Variants in SAMD11 observed in about 807,000 individuals in gnomAD.
The protein encoded by SAMD11 is sterile alpha motif domain containing 11, also known as sterile alpha motif domain-containing protein 11.
In SAMD11, 77 loss-of-function variants were observed where a neutral mutation model predicts 64.4. The observed-to-expected ratio is 1.20, with a 90% confidence interval of 0.99 to 1.44. The LOEUF is 1.44. SAMD11 is among the 40% of genes most tolerant of loss of function. The pLI is 0.00. For synonymous variants in SAMD11, 658 were observed against 421.9 expected (o/e 1.56, Z -6.86); for missense variants, 1,402 against 943.3 (o/e 1.49, Z -6.37).
chr1:940,988 G>T, intron 7 of SAMD11, 156 bp from the exon 8 acceptor site: 1 of 568,824 alleles, frequency 1.8e-6, no homozygotes, highest in South Asian at 2.5e-5. Context: ...CCCTGTGGCC[G>T]CCCATCCTCC....
chr1:943,035 C>G lies in SAMD11; in HGVS notation c.2030C>G (p.Ala677Gly), dbSNP rs748435147. 7.8e-6 allele frequency: 12 copies of G among 1,530,582 alleles called. No individual in the cohort carries two copies. Among genetic ancestry groups the G allele is most frequent in the Non-Finnish European group, 8.8e-6 (10 of 1,140,836 alleles). 94.8% of individuals were successfully genotyped at this position (1,530,582 alleles called of 1,614,324 possible). ...ACACTGCCCCTGGGCTTCCCTTATG[C>G]CGTCAGCCCCTACTTCCACACAGGT... ...GSTLPLGFPY[A>G]VSPYFHTGAV... Residue 677 changes from alanine to glycine, a missense_variant, in exon 11 of 14, where the codon GCC becomes GGC. Coordinates refer to ENST00000616016, the MANE Select transcript of SAMD11 (RefSeq NM_001385641.1).
rs1641109732 is a variant in SAMD11, at chr1:930,300, A to G, written c.755A>G (p.Gln252Arg). Residue 252 changes from glutamine (Q) to arginine (R), a missense_variant, in exon 3 of 14, where the codon CAG (glutamine) becomes CGG (arginine). Gln to Arg is a conservative substitution (Grantham distance 43). Coordinates refer to ENST00000616016, the MANE Select transcript of SAMD11 (RefSeq NM_001385641.1). ...PTCGRRPGLK[Q>R]EDGPHIRIMK... is the part of the protein sequence containing the mutation. The stretch of plus-strand genomic sequence containing the variant: ...TGTGGGCGGCGGCCAGGCTTGAAGC[A>G]GGAGGATGGTCCGCACATCCGTATC... 1 of 1,608,680 alleles carries G rather than the reference A, an allele frequency of 6.2e-7. No individual in the cohort carries two copies. The highest frequency in any genetic ancestry group is 8.5e-7 in the Non-Finnish European group (1 of 1,178,000).
chr1:931,194 C>A, intron 4 of SAMD11, 105 bp downstream of exon 4: 3 of 1,045,352 alleles, frequency 2.9e-6, no homozygotes, highest in Non-Finnish European at 4.3e-6. Context: ...TCAGCGTGAG[C>A]TGATGCTGTG....
At position 944,228 on chromosome 1, in the gene SAMD11, C is replaced by G; in HGVS notation, c.*75C>G. On this transcript the variant is annotated 3_prime_UTR_variant, in exon 14 of 14. Coordinates refer to ENST00000616016, the MANE Select transcript of SAMD11 (RefSeq NM_001385641.1). ...TCAACACAATGGCCCTGCCTCCCAC[C>G]GCTTTATTTCTTTCGGTTTCGGATG... 1 of 1,458,160 alleles carries G rather than the reference C, an allele frequency of 6.9e-7. No individual in the cohort carries two copies. Among genetic ancestry groups the G allele is most frequent in the Non-Finnish European group, 9.0e-7 (1 of 1,106,038 alleles). 90.3% of individuals were successfully genotyped at this position (1,458,160 alleles called of 1,614,324 possible).
At position 943,317 on chromosome 1, in the gene SAMD11, G is replaced by A. The variant is rs147226614; in HGVS notation, c.2118G>A (p.Trp706Ter). The A allele has an allele frequency of 1.9e-6, 3 of 1,610,996 alleles. No individual in the cohort carries two copies. The highest frequency in any genetic ancestry group is 2.5e-6 in the Non-Finnish European group (3 of 1,178,876). Reference sequence around the variant, plus strand: ...CAGCCCCTGAGGACGTCACCAAGTGGACCGTGGATGACGTCTGCAGCTTCG... The same window carrying A: ...CAGCCCCTGAGGACGTCACCAAGTGAACCGTGGATGACGTCTGCAGCTTCG... The part of the protein sequence containing the change: ...EAPAPEDVTK[W>*]TVDDVCSFVG... Residue 706 changes from tryptophan (W) to a stop codon, truncating the protein, a stop_gained, in exon 12 of 14, where the codon TGG becomes TGA. Transcript: ENST00000616016. LOFTEE classifies it high-confidence loss of function.
chr1:941,778 C>G (rs1292329183), intron 8 of SAMD11, among the ~76,000 whole-genome samples: 2 of 152,114 alleles, frequency 1.3e-5, no homozygotes, highest in Non-Finnish European at 2.9e-5. Context: ...AGTCCCTGCC[C>G]GGCCGCTGAG....
At chr1:937,794 G>A (rs1641537958) in intron 5 of SAMD11, among the ~76,000 whole-genome samples, 1 of 152,274 alleles carries the variant, frequency 6.6e-6, no homozygotes, top group East Asian at 1.9e-4. Flanking sequence ...GGCCGGGCCT[G>A]ACAGCAGCCG....
intron 5 of SAMD11, among the ~76,000 whole-genome samples, chr1:937,643 G>A (rs1231845576): frequency 6.6e-6 from 1 of 151,122 alleles, no homozygotes; most frequent in Non-Finnish European, 1.5e-5. Context: ...TGGGGGAGAC[G>A]ATGGCTTCTC....
chr1:941,151 G>T lies in SAMD11; in HGVS notation c.1203G>T (p.Leu401=). 6.3e-7 allele frequency: 1 copy of T among 1,599,290 alleles called. No individual in the cohort carries two copies. Among genetic ancestry groups the T allele is most frequent in the East Asian group, 2.3e-5 (1 of 44,108 alleles). The stretch of plus-strand genomic sequence containing the variant: ...CTGTTGTCCCCCACCCAGATCTCCT[G>T]AGGGTCCGGCAGGAGGTGGCGGCTG... ...YHLGLPSHDL[L]RVRQEVAAAA... The change falls in exon 8 of 14, where the codon CTG becomes CTT. Residue 401 remains leucine (L), a synonymous_variant. Coordinates refer to ENST00000616016, the MANE Select transcript of SAMD11 (RefSeq NM_001385641.1).
At chr1:933,491 A>C (rs573316837) in intron 4 of SAMD11, among the ~76,000 whole-genome samples, 1 of 152,098 alleles carries the variant, frequency 6.6e-6, no homozygotes, top group African/African-American at 2.4e-5. Context: ...CCAGCCCCCA[A>C]CCTCTGGAGT....
intron 1 of SAMD11, chr1:925,641 C>T (rs1422794580): frequency 2.8e-5 from 10 of 353,392 alleles, no homozygotes; most frequent in South Asian, 1.2e-4. Context: ...CCCTCGGGGC[C>T]GGGGAGAGGG....
chr1:940,910 C>A (rs578021695), intron 7 of SAMD11, among the ~76,000 whole-genome samples: 1 of 152,226 alleles, frequency 6.6e-6, no homozygotes. Context: ...CCTCCAGGCA[C>A]CCGGCTCCCC....
intron 2 of SAMD11, among the ~76,000 whole-genome samples, chr1:926,628 C>T (rs2100291791): frequency 6.6e-6 from 1 of 152,298 alleles, no homozygotes; most frequent in South Asian, 2.1e-4. Flanking sequence ...GGGTAGACAG[C>T]TATGGACACC....
chr1:939,496 C>A (rs985463530), intron 7 of SAMD11, 84 bp downstream of exon 7: 14 of 1,586,572 alleles, frequency 8.8e-6, no homozygotes, highest in Non-Finnish European at 1.2e-5. Context: ...CCCCTCATCA[C>A]CTCCCCAGCC....
At chr1:929,829 C>T (rs899996298) in intron 2 of SAMD11, among the ~76,000 whole-genome samples, 6 of 152,160 alleles carry the variant, frequency 3.9e-5, no homozygotes, top group South Asian at 2.1e-4. Context: ...GCTGGGCCAA[C>T]CAGGCTGGCG....
chr1:942,372 C>A (rs901581918), intron 9 of SAMD11, 38 bp from the exon 10 acceptor site: 9 of 1,264,276 alleles, frequency 7.1e-6, no homozygotes, highest in Non-Finnish European at 9.6e-6. Flanking sequence ...CGGACCGCCT[C>A]GGACCCCCCG....
Position 943,798 on chromosome 1 carries a change from TC to T in SAMD11, c.2281del (p.Arg761GlyfsTer124). 6.2e-7 allele frequency: 1 copy of T among 1,612,604 alleles called. No individual in the cohort carries two copies. Among genetic ancestry groups the T allele is most frequent in the South Asian group, 1.1e-5 (1 of 91,058 alleles). On this transcript the variant is annotated frameshift_variant, in exon 13 of 14. Transcript: ENST00000616016. LOFTEE classifies it low-confidence loss of function (END_TRUNC). ...CTGAAGCTGGGGCCCGCCCTCAAGATCCGGGCCCAGGTGAGACGCTGGGGAG... is the reference window on the plus strand; with the variant it reads ...CTGAAGCTGGGGCCCGCCCTCAAGATCGGGCCCAGGTGAGACGCTGGGGAG... ...MGLKLGPALK[I>X]RAQVARRLGR...
At chr1:941,409 C>CA in intron 8 of SAMD11, 103 bp downstream of exon 8, 1 of 1,200,062 alleles carries the variant, frequency 8.3e-7, no homozygotes, top group Non-Finnish European at 1.1e-6. Flanking sequence ...GCACTGTGTT[C>CA]AGCTCTAGGT....
At chr1:943,104 G>A in intron 11 of SAMD11, 46 bp downstream of exon 11, 9 of 1,554,500 alleles carry the variant, frequency 5.8e-6, no homozygotes, top group Non-Finnish European at 7.8e-6. Context: ...CACAGGACTG[G>A]CAGGCCGCCT....
Sources: gnomAD v4.1 joint callset for allele counts (sites outside exome capture counted in the v4.1 genomes callset) on GRCh38, gnomAD v4.1.1 for gene constraint, MANE v1.5 for transcripts, NCBI Gene and HGNC (gene_info 2026-07-23, HGNC 2026-07-21) for gene names.